Variants in KCNJ6 observed in about 807,000 individuals in gnomAD.
KCNJ6 encodes the protein G protein-activated inward rectifier potassium channel 2.
A neutral mutation model predicts 34.2 loss-of-function variants in KCNJ6; 9 were observed. The ratio of observed to expected loss-of-function variants is 0.26; its 90% CI spans 0.16 to 0.46. The LOEUF (loss-of-function observed/expected upper bound fraction) is 0.46, where lower values mean the gene tolerates loss of function less well. Among genes scored for constraint, KCNJ6 ranks in the 20% least tolerant of loss-of-function variants. The pLI, the probability that KCNJ6 is intolerant of heterozygous loss-of-function variation, is 1.00. For missense variants in KCNJ6, 236 were observed against 531.3 expected (o/e 0.44, Z 5.46); for synonymous variants, 196 against 207.1 (o/e 0.95, Z 0.46).
chr21:37,827,700 G>A (rs1242511895), intron 2 of KCNJ6, among the ~76,000 whole-genome samples: 1 of 152,092 alleles, frequency 6.6e-6, no homozygotes, highest in African/African-American at 2.4e-5. Context: ...ATATGGGACA[G>A]TTGCTATGTT....
Position 37,625,148 on chromosome 21 carries a change from C to A in KCNJ6, c.*11G>T. ...TGGGGGGAGAAGAGAAGGGTTTGCC[C>A]AGCTAGGGCACTAAACTTTGGATTC... On this transcript the variant is annotated 3_prime_UTR_variant, in exon 4 of 4. Coordinates refer to ENST00000609713, the MANE Select transcript of KCNJ6 (RefSeq NM_002240.5). 1 of 1,600,942 alleles carries A rather than the reference C, an allele frequency of 6.2e-7. No individual in the cohort carries two copies. The highest frequency in any genetic ancestry group is 8.5e-7 in the Non-Finnish European group (1 of 1,169,914).
At chr21:37,678,660 GTGGACAGA>G (rs901826454) in intron 3 of KCNJ6, among the ~76,000 whole-genome samples, 7 of 152,144 alleles carry the variant, frequency 4.6e-5, no homozygotes, top group African/African-American at 1.7e-4. Context: ...GACTGGATGG[GTGGACAGA>G]TGGATGAATG....
At chr21:37,648,049 C>A (rs1424311742) in intron 3 of KCNJ6, among the ~76,000 whole-genome samples, 1 of 152,194 alleles carries the variant, frequency 6.6e-6, no homozygotes, top group Non-Finnish European at 1.5e-5. Flanking sequence ...GGAAGCCTTT[C>A]CAGCCTGGGT....
At chr21:37,856,014 C>T (rs2055563378) in intron 1 of KCNJ6, among the ~76,000 whole-genome samples, 1 of 152,142 alleles carries the variant, frequency 6.6e-6, no homozygotes, top group Non-Finnish European at 1.5e-5. Context: ...TCAGGGCGCT[C>T]AAGGCAAGAA....
intron 3 of KCNJ6, among the ~76,000 whole-genome samples, chr21:37,668,109 A>G (rs1472031108): frequency 6.6e-6 from 1 of 152,162 alleles, no homozygotes; most frequent in Non-Finnish European, 1.5e-5. Context: ...CGGAGCCCAC[A>G]GCCCCAGGGC....
chr21:37,813,457 G>A (rs8131210), intron 2 of KCNJ6, among the ~76,000 whole-genome samples: 63,772 of 152,000 alleles, frequency 0.42, 14,294 homozygotes, highest in Non-Finnish European at 0.49. Flanking sequence ...AGCTATCCTA[G>A]GCAAAAGAAC....
intron 1 of KCNJ6, among the ~76,000 whole-genome samples, chr21:37,881,825 G>A (rs148742075): frequency 8.1e-4 from 123 of 152,232 alleles, no homozygotes; most frequent in African/African-American, 2.8e-3. Context: ...AAACCTTGTG[G>A]GGACATGAAC....
chr21:37,736,381 A>G (rs1195637439), intron 2 of KCNJ6, among the ~76,000 whole-genome samples: 4 of 152,162 alleles, frequency 2.6e-5, no homozygotes, highest in South Asian at 2.1e-4. Flanking sequence ...CTTTATGAGC[A>G]TGGGCTTTCC....
intron 3 of KCNJ6, among the ~76,000 whole-genome samples, chr21:37,661,613 A>ATTTTTTTTTTTTT (rs1324340711): frequency 1.3e-4 from 6 of 47,298 alleles, no homozygotes; most frequent in Non-Finnish European, 2.7e-4. Flanking sequence ...TAAGAGACAT[A>ATTTTTTTTTTTTT]GTTTTTTTTT....
intron 2 of KCNJ6, among the ~76,000 whole-genome samples, chr21:37,761,376 G>T (rs957632728): frequency 2.0e-5 from 3 of 151,202 alleles, no homozygotes; most frequent in Admixed American, 2.0e-4. Context: ...GTGTATATTT[G>T]TGTGTGTTGT....
intron 2 of KCNJ6, among the ~76,000 whole-genome samples, chr21:37,794,864 A>G (rs1392844874): frequency 1.3e-5 from 2 of 152,148 alleles, no homozygotes; most frequent in African/African-American, 4.8e-5. Context: ...CGTTCTGCAC[A>G]TGCATCCTAG....
At chr21:37,833,759 C>T (rs562965880) in intron 2 of KCNJ6, among the ~76,000 whole-genome samples, 3 of 152,106 alleles carry the variant, frequency 2.0e-5, no homozygotes, top group Admixed American at 2.0e-4. Flanking sequence ...ACACACCTGC[C>T]CTATTTGTAT....
At position 37,793,676 on chromosome 21, in the gene KCNJ6, A is replaced by C. The variant is rs16995505; in HGVS notation, c.25+46982T>G. On this transcript the variant is annotated intron_variant, in intron 2 of 3. Transcript: ENST00000609713. Reference sequence around the variant, plus strand: ...TTGGTCCTGGCAAGAATCATGCAAGAGTGGTGCTAGTTCCATGGCAATCTG... The same window carrying C: ...TTGGTCCTGGCAAGAATCATGCAAGCGTGGTGCTAGTTCCATGGCAATCTG... Among the ~76,000 whole-genome samples, 1,246 of 152,000 alleles carry C rather than the reference A, an allele frequency of 8.2e-3. 18 individuals carry two copies. The highest frequency in any genetic ancestry group is 0.029 in the African/African-American group (1,185 of 41,452).
intron 1 of KCNJ6, among the ~76,000 whole-genome samples, chr21:37,865,037 T>G (rs186378075): frequency 2.6e-4 from 39 of 152,266 alleles, no homozygotes; most frequent in African/African-American, 9.4e-4. Flanking sequence ...CCATGAGGCT[T>G]CAAGAGAAGC....
At chr21:37,840,745 C>T (rs2055476381) in intron 1 of KCNJ6, 36 bp from the exon 2 acceptor site, 3 of 1,179,328 alleles carry the variant, frequency 2.5e-6, no homozygotes, top group African/African-American at 1.5e-5. Flanking sequence ...ATCTGTAAAA[C>T]ATGTCTTAGA....
chr21:37,650,727 C>T (rs1016794864), intron 3 of KCNJ6, among the ~76,000 whole-genome samples: 1 of 152,220 alleles, frequency 6.6e-6, no homozygotes, highest in African/African-American at 2.4e-5. Flanking sequence ...TCATTCATTA[C>T]AATTATCAAA....
At chr21:37,907,430 C>A (rs2055847193) in intron 1 of KCNJ6, among the ~76,000 whole-genome samples, 1 of 152,078 alleles carries the variant, frequency 6.6e-6, no homozygotes, top group African/African-American at 2.4e-5. Flanking sequence ...GTTGACTGAG[C>A]CTGAAGGGCA....
chr21:37,659,209 G>A (rs958591042), intron 3 of KCNJ6, among the ~76,000 whole-genome samples: 1 of 152,146 alleles, frequency 6.6e-6, no homozygotes, highest in Non-Finnish European at 1.5e-5. Context: ...CCTGGAAACT[G>A]AATCACAGAT....
At chr21:37,726,606 G>C (rs1197727720) in intron 2 of KCNJ6, among the ~76,000 whole-genome samples, 1 of 152,184 alleles carries the variant, frequency 6.6e-6, no homozygotes, top group African/African-American at 2.4e-5. Flanking sequence ...GAATGTGTGT[G>C]TATGTGTGTG....
Sources: gnomAD v4.1 joint callset for allele counts (sites outside exome capture counted in the v4.1 genomes callset) on GRCh38, gnomAD v4.1.1 for gene constraint, MANE v1.5 for transcripts, NCBI Gene and HGNC (gene_info 2026-07-23, HGNC 2026-07-21) for gene names.